Variants in ABCC12 observed in about 807,000 individuals in gnomAD.
ABCC12 encodes the protein ATP binding cassette subfamily C member 12.
Under a neutral mutation model 151.1 loss-of-function variants are expected in ABCC12, and 142 were observed. The ratio of observed to expected loss-of-function variants is 0.94; its 90% CI spans 0.82 to 1.08. The LOEUF is 1.08. ABCC12 is among the 50% of genes least tolerant of loss of function. ABCC12 has a pLI of 0.00. For missense variants in ABCC12, 1,638 were observed against 1,691.1 expected (o/e 0.97, Z 0.55); for synonymous variants, 645 against 646.4 (o/e 1.00, Z 0.03).
chr16:48,099,755 A>T (rs562923814), intron 23 of ABCC12, among the ~76,000 whole-genome samples: 1 of 152,314 alleles, frequency 6.6e-6, no homozygotes, highest in African/African-American at 2.4e-5. Context: ...CTAACACAGA[A>T]GATCCGAGAG....
intron 24 of ABCC12, 81 bp from the exon 25 acceptor site, chr16:48,091,290 T>C: frequency 3.2e-6 from 4 of 1,234,234 alleles, no homozygotes; most frequent in Non-Finnish European, 4.8e-6. Context: ...GAGGCAGTCC[T>C]AGTGAATGAT....
chr16:48,143,715 A>G (rs1964899164), intron 4 of ABCC12, among the ~76,000 whole-genome samples, 195 bp downstream of exon 4: 1 of 152,154 alleles, frequency 6.6e-6, no homozygotes, highest in African/African-American at 2.4e-5. Flanking sequence ...CTCTGCACAC[A>G]CTGTCTTGCC....
chr16:48,105,822 TGTATGATGGGCCAGCTCCACA>T (rs1193774840), intron 20 of ABCC12, among the ~76,000 whole-genome samples: 1 of 152,202 alleles, frequency 6.6e-6, no homozygotes, highest in African/African-American at 2.4e-5. Flanking sequence ...GGGGCTTCTC[TGTATGATGGGCCAGCTCCACA>T]GTCCCTTCCC....
chr16:48,115,765 C>T (rs1306377243), intron 14 of ABCC12, 147 bp from the exon 15 acceptor site: 2 of 815,846 alleles, frequency 2.5e-6, no homozygotes, highest in Admixed American at 2.9e-5. Context: ...CCTTACAGGG[C>T]CCCCGGTCAC....
intron 15 of ABCC12, among the ~76,000 whole-genome samples, chr16:48,114,246 G>C (rs1202669332): frequency 6.6e-6 from 1 of 152,194 alleles, no homozygotes; most frequent in Non-Finnish European, 1.5e-5. Flanking sequence ...CTGGGCAAAG[G>C]TGAGCTCAGG....
chr16:48,089,266 G>A (rs894992358), intron 25 of ABCC12, among the ~76,000 whole-genome samples: 1 of 152,192 alleles, frequency 6.6e-6, no homozygotes, highest in East Asian at 1.9e-4. Context: ...CTGTGGGCCT[G>A]GGAAAATGTC....
Position 48,130,771 on chromosome 16 carries a change from C to T in ABCC12, c.1236+17G>A. 6.4e-7 allele frequency: 1 copy of T among 1,574,602 alleles called. No homozygotes were observed. On this transcript the variant is annotated intron_variant, in intron 10 of 30. Coordinates refer to ENST00000311303, the MANE Select transcript of ABCC12 (RefSeq NM_001393797.1). ...AAATGAGATCTCTCTTCCCTACTCA[C>T]CCAGGGTTAGTTATACCTTCATTCT... is the stretch of plus-strand genomic sequence containing the variant.
chr16:48,095,681 T>C (rs1016283869), intron 24 of ABCC12, among the ~76,000 whole-genome samples: 6 of 149,934 alleles, frequency 4.0e-5, no homozygotes, highest in African/African-American at 7.4e-5. Flanking sequence ...AGAAATTCAA[T>C]ATTCAACTGA....
At chr16:48,119,354 T>C (rs956393584) in intron 13 of ABCC12, among the ~76,000 whole-genome samples, 2 of 152,254 alleles carry the variant, frequency 1.3e-5, no homozygotes, top group African/African-American at 4.8e-5. Flanking sequence ...AGGGCAAAGA[T>C]ACACCTGAGC....
intron 6 of ABCC12, 49 bp downstream of exon 6, chr16:48,140,638 A>G (rs2150672286): frequency 1.3e-6 from 2 of 1,568,756 alleles, no homozygotes; most frequent in East Asian, 4.5e-5. Context: ...ATGCACTCAA[A>G]CCACTCAGGG....
chr16:48,129,728 G>A (rs963027307), intron 10 of ABCC12, among the ~76,000 whole-genome samples: 5 of 152,190 alleles, frequency 3.3e-5, no homozygotes, highest in African/African-American at 9.7e-5. Context: ...AAATCACTGC[G>A]CTAATCAGAT....
rs372682610 is a variant in ABCC12, at chr16:48,091,224, C to A, written c.3196-15G>T. On this transcript the variant is annotated splice_polypyrimidine_tract_variant and intron_variant, in intron 24 of 30. Transcript: ENST00000311303. ...AGTCCGCTCAGCTGTTGAAAAGGAG[C>A]GAGCAGCCGCAGTTAGAGCCCCTTC... The A allele has an allele frequency of 7.7e-5, 125 of 1,613,044 alleles. No individual in the cohort carries two copies. The highest frequency in any genetic ancestry group is 1.0e-4 in the Non-Finnish European group (121 of 1,179,240).
intron 24 of ABCC12, among the ~76,000 whole-genome samples, chr16:48,095,152 C>CAGTGGGT (rs2150592020): frequency 6.6e-6 from 1 of 152,276 alleles, no homozygotes; most frequent in South Asian, 2.1e-4. Flanking sequence ...GGGAGGGACC[C>CAGTGGGT]AGTGGGTTGG....
At chr16:48,090,363 G>A (rs998948006) in intron 25 of ABCC12, among the ~76,000 whole-genome samples, 2 of 150,832 alleles carry the variant, frequency 1.3e-5, no homozygotes, top group Non-Finnish European at 2.9e-5. Flanking sequence ...CAGTAGCTAG[G>A]ACTATAGGTG....
intron 24 of ABCC12, among the ~76,000 whole-genome samples, chr16:48,094,869 T>C (rs1011234906): frequency 6.6e-6 from 1 of 151,862 alleles, no homozygotes; most frequent in South Asian, 2.1e-4. Flanking sequence ...CCTAGCAAGG[T>C]GAAACAAAGG....
chr16:48,133,569 G>T, intron 9 of ABCC12, 118 bp downstream of exon 9: 1 of 1,219,050 alleles, frequency 8.2e-7, no homozygotes. Flanking sequence ...CACATCCTGT[G>T]GCCTGCCATG....
At chr16:48,088,461 C>T in intron 26 of ABCC12, 84 bp downstream of exon 26, 1 of 1,462,274 alleles carries the variant, frequency 6.8e-7, no homozygotes, top group Admixed American at 2.0e-5. Flanking sequence ...ATACACATCA[C>T]TCTCTGGTGT....
rs576249592 is a variant in ABCC12, at chr16:48,096,914, G to A, written c.3039-12C>T. ...AGTAGAGGAGGTGACTGGAGTTTTC[G>A]TCGTTTAGCGTCTTAAACCTACAGT... On this transcript the variant is annotated splice_polypyrimidine_tract_variant and intron_variant, in intron 23 of 30. Transcript: ENST00000311303. The A allele has an allele frequency of 2.9e-5, 46 of 1,613,902 alleles. No homozygotes were observed. The highest frequency in any genetic ancestry group is 1.1e-4 in the East Asian group (5 of 44,896).
At chr16:48,138,838 T>C (rs1964701111) in intron 7 of ABCC12, among the ~76,000 whole-genome samples, 1 of 151,756 alleles carries the variant, frequency 6.6e-6, no homozygotes, top group Non-Finnish European at 1.5e-5. Context: ...TACAGTGGCA[T>C]GCACCTGTAG....
Sources: gnomAD v4.1 joint callset for allele counts (sites outside exome capture counted in the v4.1 genomes callset) on GRCh38, gnomAD v4.1.1 for gene constraint, MANE v1.5 for transcripts, NCBI Gene and HGNC (gene_info 2026-07-23, HGNC 2026-07-21) for gene names.